The following ZFYVE26 variants were observed in gnomAD, a reference collection of about 807,000 sequenced individuals.
ZFYVE26 encodes zinc finger FYVE domain-containing protein 26.
Under a neutral mutation model 276.5 loss-of-function variants are expected in ZFYVE26, and 181 were observed. The observed-to-expected ratio is 0.65, with a 90% CI of 0.58 to 0.74. ZFYVE26 has a LOEUF of 0.74. Ranked by LOEUF, ZFYVE26 falls within the 30% of genes least tolerant of loss-of-function variation. The pLI, the probability that ZFYVE26 is intolerant of heterozygous loss-of-function variation, is 0.00. For missense variants in ZFYVE26, 2,821 were observed against 3,097.9 expected (o/e 0.91, Z 2.12); for synonymous variants, 1,129 against 1,203.1 (o/e 0.94, Z 1.27).
At chr14:67,813,023 G>A (rs1397657611) in intron 3 of ZFYVE26, among the ~76,000 whole-genome samples, 1 of 152,128 alleles carries the variant, frequency 6.6e-6, no homozygotes, top group African/African-American at 2.4e-5. Flanking sequence ...TCCTGGATAA[G>A]AGATACATTC....
At chr14:67,735,920 A>G (rs1344074119) in intron 13 of ZFYVE26, among the ~76,000 whole-genome samples, 1 of 152,226 alleles carries the variant, frequency 6.6e-6, no homozygotes, top group Non-Finnish European at 1.5e-5. Flanking sequence ...GCTGCCACAG[A>G]TTACCTTGGG....
intron 13 of ZFYVE26, among the ~76,000 whole-genome samples, chr14:67,732,490 GAGAA>G (rs1354084052): frequency 7.4e-6 from 1 of 134,474 alleles, no homozygotes; most frequent in African/African-American, 2.7e-5. Flanking sequence ...TTATGTAAGA[GAGAA>G]AGAGAGAGAG....
Position 67,781,329 on chromosome 14 carries a change from A to G in ZFYVE26, c.4569+4T>C. 2 of 1,614,094 alleles carry G rather than the reference A, an allele frequency of 1.2e-6. No individual in the cohort carries two copies. Among genetic ancestry groups the G allele is most frequent in the Admixed American group, 1.7e-5 (1 of 60,012 alleles). On this transcript the variant is annotated splice_donor_region_variant and intron_variant, in intron 22 of 41. Transcript: ENST00000347230. ...TCCCTTTCTCTTGATGCGAGGGCCC[A>G]TACCTTCTGATACACCTGCAGCTCC... is the stretch of plus-strand genomic sequence containing the variant.
chr14:67,754,916 A>G, intron 37 of ZFYVE26, 135 bp downstream of exon 37: 2 of 1,015,844 alleles, frequency 2.0e-6, no homozygotes, highest in Non-Finnish European at 1.5e-6. Context: ...TGTACTACAC[A>G]CTGTCATCCA....
downstream of ZFYVE26, among the ~76,000 whole-genome samples, chr14:67,741,770 T>C (rs761425804): frequency 6.6e-6 from 1 of 152,184 alleles, no homozygotes; most frequent in Non-Finnish European, 1.5e-5. Context: ...GTGACACATA[T>C]TCACTCAGAC....
At chr14:67,815,496 A>G in intron 2 of ZFYVE26, 1 of 499,236 alleles carries the variant, frequency 2.0e-6, no homozygotes. Flanking sequence ...ATGCAGTTCC[A>G]CCATCTATAT....
At chr14:67,792,856 G>A (rs2039851710) in intron 14 of ZFYVE26, among the ~76,000 whole-genome samples, 1 of 141,400 alleles carries the variant, frequency 7.1e-6, no homozygotes, top group Non-Finnish European at 1.5e-5. Flanking sequence ...AGGTTGCAGT[G>A]AGCTGGGATC....
At chr14:67,801,266 A>AT (rs1449790118) in intron 10 of ZFYVE26, among the ~76,000 whole-genome samples, 20 of 152,068 alleles carry the variant, frequency 1.3e-4, no homozygotes, top group Non-Finnish European at 2.2e-4. Context: ...AAAAAAAAAA[A>AT]GTACAGCTTA....
At chr14:67,751,445 A>G (rs913662485) in intron 40 of ZFYVE26, 4 of 395,916 alleles carry the variant, frequency 1.0e-5, no homozygotes, top group African/African-American at 8.3e-5. Context: ...AGTATGTATC[A>G]GCGTAATACA....
At chr14:67,799,150 A>G in intron 10 of ZFYVE26, 1 of 1,537,276 alleles carries the variant, frequency 6.5e-7, no homozygotes, top group Non-Finnish European at 9.0e-7. Flanking sequence ...TTAAAAAGAT[A>G]TCTTTAGAGG....
chr14:67,815,660 C>CTGCT, intron 2 of ZFYVE26, 110 bp downstream of exon 2: 1 of 1,059,926 alleles, frequency 9.4e-7, no homozygotes, highest in Non-Finnish European at 1.5e-6. Flanking sequence ...CACTGTGCCT[C>CTGCT]TGCTTATTCT....
intron 38 of ZFYVE26, 55 bp from the exon 39 acceptor site, chr14:67,753,821 T>C: frequency 2.5e-6 from 4 of 1,594,590 alleles, no homozygotes; most frequent in Non-Finnish European, 3.4e-6. Context: ...GAGAATACTC[T>C]TGACCAAGAA....
intron 27 of ZFYVE26, among the ~76,000 whole-genome samples, chr14:67,772,657 TG>T (rs1284677955): frequency 2.6e-5 from 4 of 152,218 alleles, no homozygotes; most frequent in Non-Finnish European, 4.4e-5. Flanking sequence ...TTTAAGAGGC[TG>T]GTGCAGTGGC....
At chr14:67,799,070 G>A (rs979845722) in intron 10 of ZFYVE26, 2 of 1,187,424 alleles carry the variant, frequency 1.7e-6, no homozygotes, top group Non-Finnish European at 2.5e-6. Flanking sequence ...CGATGAGCAG[G>A]GAACAGTGGA....
At chr14:67,809,312 G>T (rs2040245436) in intron 3 of ZFYVE26, 23 bp from the exon 4 acceptor site, 1 of 1,539,690 alleles carries the variant, frequency 6.5e-7, no homozygotes, top group Non-Finnish European at 9.0e-7. Flanking sequence ...AAAGAATGAA[G>T]CATAGAGATG....
rs1330578047 is a variant in ZFYVE26 at position 67,780,092 on chromosome 14, C to G, written c.4674+149G>C. The G allele has an allele frequency of 3.9e-6, 3 of 771,680 alleles. No individual in the cohort carries two copies. The African/African-American group carries it at 5.2e-5, about 13-fold the overall frequency. 47.8% of individuals were successfully genotyped at this position (771,680 alleles called of 1,614,324 possible). ...TTCACCGTGGTCTCGATCTCCTGAC[C>G]TTGTGAGCCGCCCGCCTCGGCCAGA... On this transcript the variant is annotated intron_variant, in intron 23 of 41. Transcript: ENST00000347230.
At chr14:67,762,441 G>T in intron 33 of ZFYVE26, 29 bp from the exon 34 acceptor site, 1 of 1,602,248 alleles carries the variant, frequency 6.2e-7, no homozygotes, top group Non-Finnish European at 8.5e-7. Flanking sequence ...CTTTTAGTGA[G>T]TGGTAGCTAC....
intron 27 of ZFYVE26, among the ~76,000 whole-genome samples, chr14:67,774,787 C>T (rs2039297257): frequency 6.6e-6 from 1 of 152,166 alleles, no homozygotes. Flanking sequence ...TCTGGATTTG[C>T]TGGTTCAGTG....
intron 25 of ZFYVE26, 137 bp downstream of exon 25, chr14:67,777,422 A>T: frequency 7.2e-7 from 1 of 1,393,636 alleles, no homozygotes; most frequent in Non-Finnish European, 1.0e-6. Context: ...TGCCTGGCAA[A>T]AGAGCCATTG....
Sources: allele counts gnomAD v4.1 joint callset (sites outside exome capture counted in the v4.1 genomes callset), GRCh38; gene constraint gnomAD v4.1.1; transcripts MANE v1.5; gene names NCBI Gene and HGNC (gene_info 2026-07-23, HGNC 2026-07-21).